SLC12A3: variants seen among roughly 807,000 people sequenced by gnomAD.
SLC12A3 encodes Na-Cl cotransporter.
Under a neutral mutation model 121.0 loss-of-function variants are expected in SLC12A3, and 104 were observed. The observed-to-expected ratio is 0.86, with a 90% CI of 0.73 to 1.01. SLC12A3 has a LOEUF of 1.01. Ranked by LOEUF, SLC12A3 falls within the 50% of genes least tolerant of loss-of-function variation. SLC12A3 has a pLI of 0.00. For synonymous variants in SLC12A3, 536 were observed against 533.4 expected (o/e 1.00, Z -0.07); for missense variants, 1,328 against 1,356.3 (o/e 0.98, Z 0.33).
chr16:56,893,838 CATG>C (rs1337002209), intron 21 of SLC12A3, among the ~76,000 whole-genome samples: 1 of 151,970 alleles, frequency 6.6e-6, no homozygotes, highest in Admixed American at 6.6e-5. Context: ...AGTGCAGTGG[CATG>C]ATGTCGGCTC....
chr16:56,898,887 T>C (rs2055500502), intron 22 of SLC12A3, among the ~76,000 whole-genome samples: 1 of 152,198 alleles, frequency 6.6e-6, no homozygotes, highest in Non-Finnish European at 1.5e-5. Context: ...ACTAGCAGCA[T>C]TGCATCCCCT....
At chr16:56,879,988 C>A in intron 11 of SLC12A3, 142 bp from the exon 12 acceptor site, 1 of 994,594 alleles carries the variant, frequency 1.0e-6, no homozygotes, top group South Asian at 1.4e-5. Context: ...GGTGAGCATC[C>A]CTGTTTAATA....
chr16:56,902,531 G>GGGGGCCCC, intron 24 of SLC12A3, 23 bp downstream of exon 24: 24 of 714,308 alleles, frequency 3.4e-5, no homozygotes, highest in Non-Finnish European at 4.8e-5. Flanking sequence ...GTGGGGGTGG[G>GGGGGCCCC]AAACGCGACA....
At chr16:56,913,003 G>A (rs903551060) in intron 25 of SLC12A3, among the ~76,000 whole-genome samples, 3 of 152,212 alleles carry the variant, frequency 2.0e-5, no homozygotes, top group Non-Finnish European at 4.4e-5. Flanking sequence ...AGGCGAGGGT[G>A]GGAGGAGGTG....
intron 15 of SLC12A3, 40 bp from the exon 16 acceptor site, chr16:56,886,324 C>A: frequency 1.3e-6 from 2 of 1,508,462 alleles, no homozygotes; most frequent in Non-Finnish European, 1.8e-6. Flanking sequence ...CCCGTGGGCT[C>A]TCTCCTGATG....
At chr16:56,872,909 C>A in intron 8 of SLC12A3, 123 bp downstream of exon 8, 1 of 1,262,516 alleles carries the variant, frequency 7.9e-7, no homozygotes, top group Non-Finnish European at 1.1e-6. Flanking sequence ...AAATCCAGTC[C>A]AGTCCAACTC....
At chr16:56,892,615 C>T (rs1397270736) in intron 20 of SLC12A3, among the ~76,000 whole-genome samples, 1 of 152,120 alleles carries the variant, frequency 6.6e-6, no homozygotes, top group African/African-American at 2.4e-5. Context: ...CACCATCACT[C>T]CGGGAGACAG....
chr16:56,869,853 C>CACGAGAGGAGGGCCTTGG, intron 4 of SLC12A3, 29 bp downstream of exon 4: 2 of 1,587,710 alleles, frequency 1.3e-6, no homozygotes, highest in Non-Finnish European at 1.7e-6. Flanking sequence ...CACCAAGGCC[C>CACGAGAGGAGGGCCTTGG]TCCTCTCGTG....
At position 56,908,161 on chromosome 16, in the gene SLC12A3, C is replaced by CTTTTTTTTTTTTTTTTTTTTTTTTTTT. The variant is rs55644914; in HGVS notation, c.2924+3718_2924+3719insTTTTTTTTTTTTTTTTTTTTTTTTTTT. On this transcript the variant is annotated intron_variant, in intron 25 of 25. Coordinates refer to ENST00000563236, the MANE Select transcript of SLC12A3 (RefSeq NM_001126108.2). ...ATTCATTTCTCAGATAGTGATATAACTTTTTTTTTTTTTTTTTTTGAGGCA... is the reference window on the plus strand; with the variant it reads ...ATTCATTTCTCAGATAGTGATATAACTTTTTTTTTTTTTTTTTTTTTTTTTTTTTTTTTTTTTTTTTTTTTTGAGGCA... Among the ~76,000 whole-genome samples, 56 of 96,960 alleles carry CTTTTTTTTTTTTTTTTTTTTTTTTTTT rather than the reference C, an allele frequency of 5.8e-4. 4 individuals carry two copies. Among genetic ancestry groups the CTTTTTTTTTTTTTTTTTTTTTTTTTTT allele is most frequent in the African/African-American group, 8.2e-4 (18 of 21,868 alleles). The allele number at this position is 96,960 out of a possible 152,430, so 63.6% of individuals were successfully genotyped here. A position where few individuals can be genotyped will look rare whatever the true frequency, so the allele number is the denominator to read the frequency against.
At chr16:56,873,374 C>CTTTTTTTTTTTTTTT (rs59478629) in intron 8 of SLC12A3, among the ~76,000 whole-genome samples, 2 of 75,372 alleles carry the variant, frequency 2.7e-5, no homozygotes, top group African/African-American at 5.3e-5. Flanking sequence ...CTCTTTCTTT[C>CTTTTTTTTTTTTTTT]TTTTTTTTTT....
chr16:56,880,058 G>A (rs2055217687), intron 11 of SLC12A3, 72 bp from the exon 12 acceptor site: 3 of 1,581,510 alleles, frequency 1.9e-6, no homozygotes, highest in Non-Finnish European at 2.6e-6. Flanking sequence ...CGGGGCTGGA[G>A]CTCAGGTGGC....
Position 56,878,093 on chromosome 16 carries a change from TCCCCAAG to T in SLC12A3, c.1113_1119del (p.Ile371MetfsTer33). On this transcript the variant is annotated frameshift_variant, in exon 9 of 26. Coordinates refer to ENST00000563236, the MANE Select transcript of SLC12A3 (RefSeq NM_001126108.2). LOFTEE classifies it high-confidence loss of function. ...CTCCTTCAGGACCCTGCTATAGCCA[TCCCCAAG>T]GGGACCCTCATGGCCATTTTCTGGA... 1 of 1,337,530 alleles carries T rather than the reference TCCCCAAG, an allele frequency of 7.5e-7. No homozygotes were observed. The highest frequency in any genetic ancestry group is 1.7e-5 in the African/African-American group (1 of 58,578). 82.9% of individuals were successfully genotyped at this position (1,337,530 alleles called of 1,614,324 possible). A position where few individuals can be genotyped will look rare whatever the true frequency, so the allele number is the denominator to read the frequency against.
intron 8 of SLC12A3, among the ~76,000 whole-genome samples, chr16:56,877,326 G>A (rs1432142546): frequency 2.3e-4 from 35 of 152,064 alleles, no homozygotes; most frequent in African/African-American, 8.4e-4. Flanking sequence ...AACCCAGAAG[G>A]TGGAGGTTGC....
At chr16:56,883,939 A>G in intron 13 of SLC12A3, 110 bp from the exon 14 acceptor site, 1 of 1,234,726 alleles carries the variant, frequency 8.1e-7, no homozygotes, top group East Asian at 2.4e-5. Context: ...ACAGGCTGGG[A>G]CCCCGGCTCT....
intron 14 of SLC12A3, 134 bp from the exon 15 acceptor site, chr16:56,885,131 T>A (rs1490554072): frequency 4.3e-6 from 3 of 705,166 alleles, no homozygotes; most frequent in East Asian, 2.7e-5. Context: ...AGGCTGCCCA[T>A]CCCAGGTGGC....
chr16:56,899,609 G>T lies in SLC12A3; in HGVS notation c.2713G>T (p.Ala905Ser), dbSNP rs760893191. 1 of 1,613,510 alleles carries T rather than the reference G, an allele frequency of 6.2e-7. No individual in the cohort carries two copies. Among genetic ancestry groups the T allele is most frequent in the Non-Finnish European group, 8.5e-7 (1 of 1,179,386 alleles). The change falls in exon 23 of 26, where the codon GCT becomes TCT. Residue 905 changes from alanine to serine, a missense_variant. Ala to Ser is a moderately conservative substitution (Grantham distance 99). Transcript: ENST00000563236. ...CCCTGACATCAACCAGAACCCTCGG[G>T]CTGAGCAGTAAGTTCTGTTTTGGGG... ...ILPDINQNPR[A>S]EHTKRFEDMI...
chr16:56,892,876 G>T (rs1004234623), intron 20 of SLC12A3, 77 bp from the exon 21 acceptor site: 1 of 1,178,808 alleles, frequency 8.5e-7, no homozygotes, highest in South Asian at 1.3e-5. Flanking sequence ...CAGAAGGGGC[G>T]TTGGCGGGGC....
chr16:56,896,198 AC>A (rs1765566174), intron 22 of SLC12A3, among the ~76,000 whole-genome samples: 1 of 152,164 alleles, frequency 6.6e-6, no homozygotes, highest in Non-Finnish European at 1.5e-5. Flanking sequence ...AGCAAATACC[AC>A]TGAGTCTTTT....
chr16:56,885,239 C>A (rs1468639829), intron 14 of SLC12A3, 26 bp from the exon 15 acceptor site: 5 of 1,349,420 alleles, frequency 3.7e-6, no homozygotes, highest in East Asian at 2.5e-5. Context: ...TCTGCTCTCA[C>A]CCCCGTTGCT....
Sources: allele counts gnomAD v4.1 joint callset (sites outside exome capture counted in the v4.1 genomes callset), GRCh38; gene constraint gnomAD v4.1.1; transcripts MANE v1.5; gene names NCBI Gene and HGNC (gene_info 2026-07-23, HGNC 2026-07-21).